Variants in TRPC4AP observed in about 807,000 individuals in gnomAD.
TRPC4AP encodes transient receptor potential cation channel subfamily C member 4 associated protein, also known as short transient receptor potential channel 4-associated protein.
A neutral mutation model predicts 99.0 loss-of-function variants in TRPC4AP; 45 were observed. The observed-to-expected ratio is 0.45, with a 90% CI of 0.36 to 0.58. The LOEUF (loss-of-function observed/expected upper bound fraction) is 0.58, where lower values mean the gene tolerates loss of function less well. Among genes scored for constraint, TRPC4AP ranks in the 20% least tolerant of loss-of-function variants. The pLI is 0.00. For synonymous variants in TRPC4AP, 408 were observed against 385.8 expected (o/e 1.06, Z -0.67); for missense variants, 879 against 985.3 (o/e 0.89, Z 1.44).
intron 13 of TRPC4AP, among the ~76,000 whole-genome samples, chr20:35,008,461 G>A (rs73905045): frequency 0.039 from 5,974 of 152,198 alleles, 395 homozygotes; most frequent in African/African-American, 0.14. Context: ...GTGAATGCTC[G>A]GTCACTGTGG....
At chr20:35,049,256 G>GTT (rs78434747) in intron 6 of TRPC4AP, among the ~76,000 whole-genome samples, 5 of 140,006 alleles carry the variant, frequency 3.6e-5, no homozygotes, top group Non-Finnish European at 6.3e-5. Context: ...GATCATAGCT[G>GTT]TTTTTTTTTT....
intron 8 of TRPC4AP, among the ~76,000 whole-genome samples, chr20:35,033,091 G>T (rs761152291): frequency 3.3e-5 from 5 of 152,062 alleles, no homozygotes; most frequent in Non-Finnish European, 7.4e-5. Flanking sequence ...CAGCTACTCG[G>T]GAGGCTGAGA....
At chr20:35,005,624 T>C (rs2082499745) in intron 16 of TRPC4AP, 71 bp downstream of exon 16, 3 of 1,415,032 alleles carry the variant, frequency 2.1e-6, no homozygotes, top group Admixed American at 1.7e-5. Flanking sequence ...GTCTCCCTGC[T>C]GGAGACAGGG....
intron 14 of TRPC4AP, 150 bp from the exon 15 acceptor site, chr20:35,006,725 C>T (rs998251295): frequency 3.9e-5 from 43 of 1,102,142 alleles, no homozygotes; most frequent in Non-Finnish European, 5.1e-5. Flanking sequence ...ATGCTGGTGG[C>T]TCCAAGGACA....
intron 6 of TRPC4AP, among the ~76,000 whole-genome samples, chr20:35,045,973 CTTCTT>C (rs1433724611): frequency 6.6e-6 from 1 of 152,180 alleles, no homozygotes; most frequent in Non-Finnish European, 1.5e-5. Context: ...CTGACCCTTT[CTTCTT>C]TTAATACATA....
intron 5 of TRPC4AP, among the ~76,000 whole-genome samples, chr20:35,051,376 T>G (rs1333521376): frequency 5.9e-5 from 9 of 152,114 alleles, no homozygotes; most frequent in Admixed American, 5.9e-4. Context: ...AGTACGAATA[T>G]AGCTCACTAC....
chr20:35,036,215 G>T (rs991601789), intron 7 of TRPC4AP, among the ~76,000 whole-genome samples: 1 of 152,130 alleles, frequency 6.6e-6, no homozygotes, highest in African/African-American at 2.4e-5. Context: ...TCTTTAAAAT[G>T]AGACTAATGC....
chr20:35,087,435 G>A lies in TRPC4AP; in HGVS notation c.168+5179C>T, dbSNP rs142733643. 5.9e-5 allele frequency among the ~76,000 whole-genome samples: 9 copies of A among 151,884 alleles called. No homozygotes were observed. The East Asian group carries it at 1.7e-3, about 29-fold the overall frequency. On this transcript the variant is annotated intron_variant, in intron 1 of 18. Coordinates refer to ENST00000252015, the MANE Select transcript of TRPC4AP (RefSeq NM_015638.3). ...TGCCAATAATCATAAAGGAAGCAACGACTGCCATGTGGGAAATATAACAGC... is the reference window on the plus strand; with the variant it reads ...TGCCAATAATCATAAAGGAAGCAACAACTGCCATGTGGGAAATATAACAGC...
At chr20:35,044,195 A>G (rs571798549) in intron 7 of TRPC4AP, among the ~76,000 whole-genome samples, 1 of 151,998 alleles carries the variant, frequency 6.6e-6, no homozygotes, top group Admixed American at 6.6e-5. Flanking sequence ...AGTCAAGACC[A>G]GCCTGGGCAA....
At chr20:35,051,179 T>C (rs1232960384) in intron 5 of TRPC4AP, among the ~76,000 whole-genome samples, 1 of 152,198 alleles carries the variant, frequency 6.6e-6, no homozygotes, top group African/African-American at 2.4e-5. Flanking sequence ...GCGATAAACT[T>C]GACTTCTCCT....
At chr20:35,019,157 C>G (rs1053816931) in intron 9 of TRPC4AP, among the ~76,000 whole-genome samples, 4 of 152,148 alleles carry the variant, frequency 2.6e-5, no homozygotes, top group Admixed American at 1.3e-4. Flanking sequence ...CAAGGAAACC[C>G]TTCCCCTTGC....
chr20:35,005,619 C>T, intron 16 of TRPC4AP, 76 bp downstream of exon 16: 1 of 1,398,696 alleles, frequency 7.1e-7, no homozygotes. Context: ...TTCTTGTCTC[C>T]CTGCTGGAGA....
chr20:35,005,777 G>C lies in TRPC4AP; in HGVS notation c.1854C>G (p.Asn618Lys), dbSNP rs1460928649. 6.2e-7 allele frequency: 1 copy of C among 1,614,210 alleles called. No individual in the cohort carries two copies. Among genetic ancestry groups the C allele is most frequent in the East Asian group, 2.2e-5 (1 of 44,894 alleles). The change falls in exon 16 of 19, where the codon AAC becomes AAG. Residue 618 changes from asparagine (N) to lysine (K), a missense_variant. By Grantham distance (94) the Asn-to-Lys change is moderately conservative. Around this residue, in one of 3 missense-constraint regions of TRPC4AP, gnomAD observed 224 missense variants for 264.7 expected, o/e 0.85. Coordinates refer to ENST00000252015, the MANE Select transcript of TRPC4AP (RefSeq NM_015638.3). ...AKFQVFLKQI[N>K]SSLVDSNMLV... Reference sequence around the variant, plus strand: ...GCATGTTGGAGTCCACCAGGGAGCTGTTGATCTGCTTCAGGAATACCTGGA... The same window carrying C: ...GCATGTTGGAGTCCACCAGGGAGCTCTTGATCTGCTTCAGGAATACCTGGA...
chr20:35,012,901 C>G (rs2082669781), intron 11 of TRPC4AP, 107 bp downstream of exon 11: 3 of 1,166,334 alleles, frequency 2.6e-6, no homozygotes, highest in Non-Finnish European at 3.8e-6. Flanking sequence ...GGGCTTCCAC[C>G]AGCTCCAGGG....
chr20:35,083,906 A>G (rs1178989236), intron 1 of TRPC4AP, among the ~76,000 whole-genome samples: 3 of 151,966 alleles, frequency 2.0e-5, no homozygotes, highest in Admixed American at 6.6e-5. Context: ...CAGCTAAACT[A>G]AACTGCTAAA....
At position 35,092,761 on chromosome 20, in the gene TRPC4AP, C is replaced by T. The variant is rs1462324119; in HGVS notation, c.21G>A (p.Ala7=). 2.6e-6 allele frequency: 4 copies of T among 1,542,900 alleles called. No homozygotes were observed. The highest frequency in any genetic ancestry group is 2.8e-5 in the African/African-American group (2 of 70,240). MAAAPV[A]AGSGAGRGRR... ...TCCCTCGGCCGGCTCCAGACCCAGC[C>T]GCTACCGGCGCCGCCGCCATGTCTC... Residue 7 remains alanine, a synonymous_variant, in exon 1 of 19, where the codon GCG becomes GCA. Coordinates refer to ENST00000252015, the MANE Select transcript of TRPC4AP (RefSeq NM_015638.3).
intron 8 of TRPC4AP, among the ~76,000 whole-genome samples, chr20:35,023,964 A>G (rs979687936): frequency 6.6e-6 from 1 of 152,234 alleles, no homozygotes; most frequent in African/African-American, 2.4e-5. Flanking sequence ...ACAGTCTCCA[A>G]AGCAATGGCC....
chr20:35,057,684 T>TTTG lies in TRPC4AP; in HGVS notation c.415-116_415-114dup, dbSNP rs1402973246. 6.1e-6 allele frequency: 5 copies of TTTG among 825,584 alleles called. No individual in the cohort carries two copies. In the African/African-American group the frequency reaches 7.1e-5, roughly 12 times the overall value. 51.1% of individuals were successfully genotyped at this position (825,584 alleles called of 1,614,324 possible). ...ATCTGTCACAGTATTACAAGACCCT[T>TTTG]TTGTTCCAGGAGGCAGTTAAGGTTC... On this transcript the variant is annotated intron_variant, in intron 3 of 18. Transcript: ENST00000252015.
chr20:35,028,870 T>C (rs544698304), intron 8 of TRPC4AP, among the ~76,000 whole-genome samples: 29 of 152,246 alleles, frequency 1.9e-4, no homozygotes, highest in Non-Finnish European at 3.5e-4. Flanking sequence ...TACATGTTTA[T>C]AACTGTTGTA....
Sources: gnomAD v4.1 joint callset for allele counts (sites outside exome capture counted in the v4.1 genomes callset) on GRCh38, gnomAD v4.1.1 for gene constraint, gnomAD v4.1.1 regional missense constraint, MANE v1.5 for transcripts, NCBI Gene and HGNC (gene_info 2026-07-23, HGNC 2026-07-21) for gene names.